SPTLC3: variants seen among roughly 807,000 people sequenced by gnomAD.
SPTLC3 encodes the protein serine palmitoyltransferase 3.
A neutral mutation model predicts 59.3 loss-of-function variants in SPTLC3; 36 were observed. The ratio of observed to expected loss-of-function variants is 0.61; its 90% CI spans 0.47 to 0.80. The LOEUF (loss-of-function observed/expected upper bound fraction) is 0.80, where lower values mean the gene tolerates loss of function less well. Among genes scored for constraint, SPTLC3 ranks in the 30% least tolerant of loss-of-function variants. The pLI, the probability that SPTLC3 is intolerant of heterozygous loss-of-function variation, is 0.00. For missense variants in SPTLC3, 625 were observed against 685.1 expected (o/e 0.91, Z 0.98); for synonymous variants, 257 against 240.8 (o/e 1.07, Z -0.62).
intron 1 of SPTLC3, among the ~76,000 whole-genome samples, chr20:13,032,737 A>T (rs1986552251): frequency 6.6e-6 from 1 of 152,130 alleles, no homozygotes; most frequent in Non-Finnish European, 1.5e-5. Context: ...CTTTTGTGGG[A>T]ATCCTTCATC....
At chr20:13,074,266 C>T in intron 3 of SPTLC3, 83 bp from the exon 4 acceptor site, 4 of 1,550,644 alleles carry the variant, frequency 2.6e-6, no homozygotes, top group Non-Finnish European at 2.6e-6. Context: ...TTCATAGGAA[C>T]CCAAGTCTTC....
At chr20:13,013,795 C>A (rs1690597466) in intron 1 of SPTLC3, among the ~76,000 whole-genome samples, 1 of 152,178 alleles carries the variant, frequency 6.6e-6, no homozygotes, top group Admixed American at 6.5e-5. Flanking sequence ...TATGTAACAG[C>A]CAGTCCAAAA....
In SPTLC3 at chr20:13,080,511, C is replaced by CAAAAAAAAAAAAAAA. The variant is rs3039608; in HGVS notation, c.607+6024_607+6025insAAAAAAAAAAAAAAA. On this transcript the variant is annotated intron_variant, in intron 4 of 11. Transcript: ENST00000399002. ...GACCGAGTGAAAATCCATCCATCTC[C>CAAAAAAAAAAAAAAA]AAAAAAAAAACAGGCAAAACTGCAC... Among the ~76,000 whole-genome samples the CAAAAAAAAAAAAAAA allele has an allele frequency of 1.7e-4, 21 of 122,802 alleles. 1 individual carries two copies. The highest frequency in any genetic ancestry group is 7.9e-4 in the South Asian group (3 of 3,812). 80.6% of individuals were successfully genotyped at this position (122,802 alleles called of 152,430 possible).
chr20:13,146,963 C>T (rs781279905), intron 9 of SPTLC3, among the ~76,000 whole-genome samples: 21 of 152,200 alleles, frequency 1.4e-4, no homozygotes, highest in Non-Finnish European at 2.5e-4. Flanking sequence ...GCCCAAAAAG[C>T]CAGTTCCTGG....
At chr20:13,140,599 G>A (rs548685991) in intron 9 of SPTLC3, among the ~76,000 whole-genome samples, 93 of 151,898 alleles carry the variant, frequency 6.1e-4, no homozygotes, top group African/African-American at 2.2e-3. Context: ...TGTCTAGATG[G>A]GCAAGTTCAC....
chr20:13,084,177 C>A (rs779817377), intron 4 of SPTLC3, among the ~76,000 whole-genome samples: 3 of 152,064 alleles, frequency 2.0e-5, no homozygotes, highest in Non-Finnish European at 4.4e-5. Flanking sequence ...CTGCTTTGGA[C>A]CCTGTATCAT....
At chr20:13,044,638 T>C (rs1404977522) in intron 1 of SPTLC3, among the ~76,000 whole-genome samples, 1 of 152,176 alleles carries the variant, frequency 6.6e-6, no homozygotes, top group African/African-American at 2.4e-5. Context: ...ATCATCTCTA[T>C]TCAGAATATT....
intron 10 of SPTLC3, among the ~76,000 whole-genome samples, chr20:13,156,630 T>C (rs1305551016): frequency 6.6e-6 from 1 of 152,218 alleles, no homozygotes; most frequent in African/African-American, 2.4e-5. Context: ...ATGTTACCTC[T>C]TATATAAGAG....
At chr20:13,082,086 A>G (rs1003469334) in intron 4 of SPTLC3, among the ~76,000 whole-genome samples, 1 of 152,204 alleles carries the variant, frequency 6.6e-6, no homozygotes, top group South Asian at 2.1e-4. Context: ...AAAGCCAAGC[A>G]CAATTCAACA....
At chr20:13,061,768 G>T (rs997226723) in intron 2 of SPTLC3, among the ~76,000 whole-genome samples, 6 of 152,082 alleles carry the variant, frequency 3.9e-5, no homozygotes, top group African/African-American at 7.2e-5. Context: ...TACAAGCTTT[G>T]TCCAAACCAC....
chr20:13,094,015 C>A (rs1049526058), intron 6 of SPTLC3, among the ~76,000 whole-genome samples: 6 of 152,156 alleles, frequency 3.9e-5, no homozygotes, highest in African/African-American at 1.4e-4. Flanking sequence ...ATGCTCAGAT[C>A]CCCACCCAAC....
At chr20:13,017,768 G>C (rs1985608050) in intron 1 of SPTLC3, among the ~76,000 whole-genome samples, 1 of 152,190 alleles carries the variant, frequency 6.6e-6, no homozygotes, top group Non-Finnish European at 1.5e-5. Flanking sequence ...ATTCTTTGGA[G>C]TATTTCCCAT....
At chr20:13,052,152 T>C (rs1250756973) in intron 2 of SPTLC3, among the ~76,000 whole-genome samples, 1 of 152,122 alleles carries the variant, frequency 6.6e-6, no homozygotes, top group East Asian at 1.9e-4. Flanking sequence ...ATTTGATTTC[T>C]GCATTTCCAA....
chr20:13,033,523 C>T lies in SPTLC3; in HGVS notation c.118-15422C>T, dbSNP rs377048612. 2.9e-3 allele frequency among the ~76,000 whole-genome samples: 438 copies of T among 152,286 alleles called. 4 individuals are homozygous for T. The highest frequency in any genetic ancestry group is 0.01 in the African/African-American group (423 of 41,576). ...AGAAGTAACACACTTTTCTTCTATT[C>T]ACTTCACGTTGCTCAGAACTCAGTC... On this transcript the variant is annotated intron_variant, in intron 1 of 11. Coordinates refer to ENST00000399002, the MANE Select transcript of SPTLC3 (RefSeq NM_018327.4).
intron 9 of SPTLC3, among the ~76,000 whole-genome samples, chr20:13,130,265 C>T (rs1275807598): frequency 2.6e-5 from 4 of 152,170 alleles, no homozygotes; most frequent in Non-Finnish European, 5.9e-5. Flanking sequence ...TAAAGTTGCC[C>T]AGAGCTCAAA....
chr20:13,108,752 T>G (rs967212311), intron 6 of SPTLC3, among the ~76,000 whole-genome samples: 1 of 152,134 alleles, frequency 6.6e-6, no homozygotes, highest in Non-Finnish European at 1.5e-5. Context: ...TTTTTTGTAT[T>G]TTTAGTAGAG....
At chr20:13,164,329 C>G (rs781097429) in intron 11 of SPTLC3, 1 of 471,650 alleles carries the variant, frequency 2.1e-6, no homozygotes, top group Admixed American at 2.3e-5. Flanking sequence ...AATCAGCTCC[C>G]GCAACATTCC....
At chr20:13,104,434 T>C (rs1989758300) in intron 6 of SPTLC3, among the ~76,000 whole-genome samples, 1 of 152,194 alleles carries the variant, frequency 6.6e-6, no homozygotes, top group Non-Finnish European at 1.5e-5. Flanking sequence ...CTCTCTCGTC[T>C]GCCATCACGT....
chr20:13,161,064 A>G (rs148684285), intron 11 of SPTLC3, among the ~76,000 whole-genome samples: 167 of 152,356 alleles, frequency 1.1e-3, no homozygotes, highest in African/African-American at 3.7e-3. Flanking sequence ...ACAAAACAAG[A>G]GATGACAAGG....
Sources: allele counts gnomAD v4.1 joint callset (sites outside exome capture counted in the v4.1 genomes callset), GRCh38; gene constraint gnomAD v4.1.1; transcripts MANE v1.5; gene names NCBI Gene and HGNC (gene_info 2026-07-23, HGNC 2026-07-21).